The following MAF variants were observed in gnomAD, a reference collection of about 807,000 sequenced individuals.
MAF encodes MAF bZIP transcription factor, also known as transcription factor Maf.
A neutral mutation model predicts 22.0 loss-of-function variants in MAF; 10 were observed. The observed-to-expected ratio is 0.45, with a 90% CI of 0.28 to 0.77. MAF has a LOEUF of 0.77. Ranked by LOEUF, MAF falls within the 30% of genes least tolerant of loss-of-function variation. The pLI, the probability that MAF is intolerant of heterozygous loss-of-function variation, is 0.12. For synonymous variants in MAF, 337 were observed against 255.8 expected (o/e 1.32, Z -3.03); for missense variants, 544 against 548.4 (o/e 0.99, Z 0.08).
chr16:79,229,727 C>CA, the MAF span, among the ~76,000 whole-genome samples: 1 of 151,988 alleles, frequency 6.6e-6, no homozygotes, highest in Non-Finnish European at 1.5e-5. Flanking sequence ...GTGCACCGAG[C>CA]AAAGCGCCTG....
the MAF span, among the ~76,000 whole-genome samples, chr16:79,304,567 A>G: frequency 3.9e-5 from 6 of 152,096 alleles, no homozygotes; most frequent in African/African-American, 1.4e-4. Context: ...TAAGTTGGAG[A>G]CAAAAGGAAC....
the MAF span, among the ~76,000 whole-genome samples, chr16:79,445,943 C>T: frequency 6.6e-6 from 1 of 152,150 alleles, no homozygotes; most frequent in Non-Finnish European, 1.5e-5. Context: ...GACACTGACT[C>T]TTATTAAAGG....
At chr16:79,237,622 C>G in the MAF span, among the ~76,000 whole-genome samples, 1 of 151,976 alleles carries the variant, frequency 6.6e-6, no homozygotes. Context: ...AGAGGACACT[C>G]AGGGGAAAGC....
At chr16:79,270,899 A>AGT in the MAF span, among the ~76,000 whole-genome samples, 2 of 48,692 alleles carry the variant, frequency 4.1e-5, no homozygotes, top group African/African-American at 6.1e-5. Flanking sequence ...ACATGGCCAG[A>AGT]GTTTTTTTTT....
the MAF span, among the ~76,000 whole-genome samples, chr16:79,457,601 A>T: frequency 6.6e-6 from 1 of 152,210 alleles, no homozygotes; most frequent in Non-Finnish European, 1.5e-5. Context: ...CGTCCAATAA[A>T]TTATACATGT....
the MAF span, among the ~76,000 whole-genome samples, chr16:79,510,365 G>C: frequency 6.6e-6 from 1 of 152,160 alleles, no homozygotes; most frequent in African/African-American, 2.4e-5. Context: ...GTCTAATTCT[G>C]AGGTTTTATT....
the MAF span, among the ~76,000 whole-genome samples, chr16:79,291,409 C>G: frequency 1.8e-4 from 27 of 152,232 alleles, 1 homozygote; most frequent in Middle Eastern, 6.8e-3. Context: ...TTCCTCTGCC[C>G]AGATCTCCTG....
chr16:79,524,324 T>A, the MAF span, among the ~76,000 whole-genome samples: 1 of 152,234 alleles, frequency 6.6e-6, no homozygotes, highest in Non-Finnish European at 1.5e-5. Context: ...GACCCATCTC[T>A]CTTAAGGATA....
chr16:79,367,212 G>A, the MAF span, among the ~76,000 whole-genome samples: 24 of 152,270 alleles, frequency 1.6e-4, 1 homozygote, highest in Middle Eastern at 3.4e-3. Context: ...TTCTATGGGT[G>A]CTTGACTTTG....
chr16:79,383,684 C>T, the MAF span, among the ~76,000 whole-genome samples: 1 of 152,134 alleles, frequency 6.6e-6, no homozygotes, highest in Non-Finnish European at 1.5e-5. Flanking sequence ...AGAGAAGTTG[C>T]TGTAGGTGTC....
the MAF span, among the ~76,000 whole-genome samples, chr16:79,403,718 G>C: frequency 1.3e-5 from 2 of 152,176 alleles, no homozygotes; most frequent in Non-Finnish European, 2.9e-5. Flanking sequence ...TGAAACTTGA[G>C]GGCAGGGATA....
At chr16:79,431,234 T>A in the MAF span, among the ~76,000 whole-genome samples, 1 of 152,108 alleles carries the variant, frequency 6.6e-6, no homozygotes, top group Non-Finnish European at 1.5e-5. Context: ...GGGTACCTAG[T>A]AAAGGAAGGC....
chr16:79,251,357 C>G, the MAF span, among the ~76,000 whole-genome samples: 1 of 145,606 alleles, frequency 6.9e-6, no homozygotes, highest in Non-Finnish European at 1.5e-5. Flanking sequence ...CTCTTGTCAC[C>G]CAGGCTGGAG....
At chr16:79,279,657 G>A in the MAF span, among the ~76,000 whole-genome samples, 1 of 152,166 alleles carries the variant, frequency 6.6e-6, no homozygotes, top group African/African-American at 2.4e-5. Context: ...AACCCCCAGA[G>A]GGCAAGGACC....
chr16:79,573,692 A>G, the MAF span, among the ~76,000 whole-genome samples: 1 of 152,334 alleles, frequency 6.6e-6, no homozygotes, highest in South Asian at 2.1e-4. Flanking sequence ...TTGACAACAA[A>G]CCAGTCAGAG....
the MAF span, among the ~76,000 whole-genome samples, chr16:79,386,921 C>T: frequency 6.6e-6 from 1 of 152,168 alleles, no homozygotes; most frequent in Non-Finnish European, 1.5e-5. Flanking sequence ...TCTTTGAAGT[C>T]TTACATTAAC....
At chr16:79,455,864 A>G in the MAF span, among the ~76,000 whole-genome samples, 570 of 152,184 alleles carry the variant, frequency 3.7e-3, 3 homozygotes, top group African/African-American at 0.013. Context: ...ACAAAAATAC[A>G]AAAGTTAGCC....
chr16:79,549,297 C>T, the MAF span, among the ~76,000 whole-genome samples: 4 of 152,086 alleles, frequency 2.6e-5, no homozygotes, highest in Non-Finnish European at 2.9e-5. Flanking sequence ...ATGAGGTCGA[C>T]GCTATGAAGA....
the MAF span, among the ~76,000 whole-genome samples, chr16:79,314,243 A>C: frequency 6.6e-6 from 1 of 152,122 alleles, no homozygotes; most frequent in Non-Finnish European, 1.5e-5. Context: ...CAAGGTGTTC[A>C]CCCTTCCTAG....
Sources: allele counts gnomAD v4.1 joint callset (sites outside exome capture counted in the v4.1 genomes callset), GRCh38; gene constraint gnomAD v4.1.1; transcripts MANE v1.5; gene names NCBI Gene and HGNC (gene_info 2026-07-23, HGNC 2026-07-21).